The following ATRX variants were observed in gnomAD, a reference collection of about 807,000 sequenced individuals.
ATRX encodes the protein chromatin remodeler ATRX.
Under a neutral mutation model 172.6 loss-of-function variants are expected in ATRX, and 12 were observed. The ratio of observed to expected loss-of-function variants is 0.07; its 90% CI spans 0.04 to 0.11. ATRX has a LOEUF of 0.11. Ranked by LOEUF, ATRX falls within the 10% of genes least tolerant of loss-of-function variation. The pLI is 1.00. For missense variants in ATRX, 1,368 were observed against 1,767.4 expected (o/e 0.77, Z 4.05); for synonymous variants, 674 against 594.7 (o/e 1.13, Z -1.94).
intron 27 of ATRX, among the ~76,000 whole-genome samples, chrX:77,586,227 C>A (rs2148070441): frequency 8.9e-6 from 1 of 112,202 alleles, no homozygotes; most frequent in East Asian, 2.8e-4. Flanking sequence ...CTATTGCATG[C>A]ATGTATCAAA....
At chrX:77,777,538 A>C (rs2076402684) in intron 1 of ATRX, among the ~76,000 whole-genome samples, 1 of 112,107 alleles carries the variant, frequency 8.9e-6, no homozygotes, top group South Asian at 3.7e-4. Flanking sequence ...TATGCTTCAA[A>C]TTGTTCCCTG....
intron 22 of ATRX, among the ~76,000 whole-genome samples, chrX:77,601,400 C>T (rs1256826891): frequency 5.6e-5 from 6 of 107,276 alleles, no homozygotes; most frequent in African/African-American, 2.0e-4. Context: ...ATCACTTGAG[C>T]CCAGGAGTTT....
At chrX:77,763,436 GC>G (rs1157865184) in intron 1 of ATRX, among the ~76,000 whole-genome samples, 1 of 93,205 alleles carries the variant, frequency 1.1e-5, no homozygotes, top group Non-Finnish European at 2.1e-5. Context: ...GAGCCACCGG[GC>G]CCAACCCATT....
intron 1 of ATRX, chrX:77,728,081 A>G (rs2074133565): frequency 9.0e-6 from 1 of 111,103 alleles, no homozygotes; most frequent in Non-Finnish European, 1.9e-5. Flanking sequence ...AAAGTGTAAT[A>G]AAAATTCCAC....
chrX:77,571,470 G>C (rs1194166298), intron 28 of ATRX, among the ~76,000 whole-genome samples: 1 of 111,717 alleles, frequency 9.0e-6, no homozygotes, highest in African/African-American at 3.2e-5. Context: ...CACATATAGA[G>C]AATGATACCA....
chrX:77,643,442 T>C (rs2068757042), intron 15 of ATRX, among the ~76,000 whole-genome samples: 1 of 110,632 alleles, frequency 9.0e-6, no homozygotes, highest in Admixed American at 9.6e-5. Context: ...TGGAGTGCTG[T>C]GGTGTAATTA....
intron 1 of ATRX, among the ~76,000 whole-genome samples, chrX:77,717,903 G>A (rs2073529003): frequency 9.0e-6 from 1 of 111,017 alleles, no homozygotes; most frequent in Non-Finnish European, 1.9e-5. Flanking sequence ...AAATTTGGGG[G>A]ATTAAACAGC....
chrX:77,709,644 TA>T (rs138104364), intron 2 of ATRX, among the ~76,000 whole-genome samples: 45,719 of 90,549 alleles, frequency 0.5, 10,345 homozygotes, highest in Non-Finnish European at 0.64. Flanking sequence ...TCCAATGGAG[TA>T]AAAAAAAAAA....
chrX:77,746,682 A>G (rs1324149666), intron 1 of ATRX, among the ~76,000 whole-genome samples: 1 of 112,598 alleles, frequency 8.9e-6, no homozygotes, highest in Non-Finnish European at 1.9e-5. Flanking sequence ...CAAAAGTCCT[A>G]TAGGTCTGTT....
chrX:77,522,027 T>G (rs1290336625), intron 32 of ATRX: 1 of 367,763 alleles, frequency 2.7e-6, no homozygotes, highest in African/African-American at 2.6e-5. Context: ...TGTTTCTTAA[T>G]TAAAATAATT....
intron 1 of ATRX, among the ~76,000 whole-genome samples, chrX:77,750,316 G>A (rs1048997369): frequency 7.2e-5 from 8 of 111,067 alleles, no homozygotes; most frequent in Non-Finnish European, 1.9e-5. Flanking sequence ...GTGTGAATAA[G>A]GGGAGACTAT....
intron 7 of ATRX, among the ~76,000 whole-genome samples, chrX:77,687,987 G>C (rs1166181947): frequency 9.0e-6 from 1 of 111,714 alleles, no homozygotes; most frequent in Non-Finnish European, 1.9e-5. Context: ...GTCCAGGCTG[G>C]AGTACAATGG....
chrX:77,522,504 C>G, intron 31 of ATRX, 116 bp from the exon 32 acceptor site: 1 of 837,017 alleles, frequency 1.2e-6, no homozygotes, highest in Non-Finnish European at 1.7e-6. Context: ...TATTAACACT[C>G]TTCCACACAC....
chrX:77,634,132 A>G (rs1186813768), intron 17 of ATRX, among the ~76,000 whole-genome samples: 1 of 107,221 alleles, frequency 9.3e-6, no homozygotes, highest in Non-Finnish European at 1.9e-5. Context: ...CCAATTTTAC[A>G]TCTCTGCTAC....
intron 1 of ATRX, among the ~76,000 whole-genome samples, chrX:77,734,451 A>T (rs2074446833): frequency 9.0e-6 from 1 of 110,715 alleles, no homozygotes; most frequent in African/African-American, 3.3e-5. Flanking sequence ...TAAATAAGTA[A>T]ACGGTGCCGG....
At chrX:77,769,503 G>C (rs1248107971) in intron 1 of ATRX, among the ~76,000 whole-genome samples, 2 of 110,715 alleles carry the variant, frequency 1.8e-5, no homozygotes, top group African/African-American at 6.6e-5. Context: ...TGGCCAGGCT[G>C]GTCTTGAAAT....
chrX:77,676,848 G>A (rs2070894153), intron 9 of ATRX, among the ~76,000 whole-genome samples: 1 of 112,294 alleles, frequency 8.9e-6, no homozygotes, highest in Non-Finnish European at 1.9e-5. Flanking sequence ...AGGGCCGGGT[G>A]AGGTGGCGCA....
chrX:77,766,042 A>G (rs1329754244), intron 1 of ATRX, among the ~76,000 whole-genome samples: 4 of 112,288 alleles, frequency 3.6e-5, no homozygotes, highest in African/African-American at 9.7e-5. Flanking sequence ...CCAAGGCAGA[A>G]GAATTTTTCT....
chrX:77,603,577 T>A (rs1165976675), intron 22 of ATRX, among the ~76,000 whole-genome samples: 1 of 106,956 alleles, frequency 9.3e-6, no homozygotes, highest in Non-Finnish European at 1.9e-5. Flanking sequence ...GGTTTTGCCA[T>A]GTTGGCCAGG....
Sources: gnomAD v4.1 joint callset for allele counts (sites outside exome capture counted in the v4.1 genomes callset) on GRCh38, gnomAD v4.1.1 for gene constraint, MANE v1.5 for transcripts, NCBI Gene and HGNC (gene_info 2026-07-23, HGNC 2026-07-21) for gene names.